NBAS: variants seen among roughly 807,000 people sequenced by gnomAD.
The protein encoded by NBAS is NAG/BC035112 fusion.
In NBAS, 219 loss-of-function variants were observed where a neutral mutation model predicts 302.5. The observed-to-expected ratio is 0.72, with a 90% CI of 0.65 to 0.81. The LOEUF is 0.81. Ranked by LOEUF, NBAS falls within the 30% of genes least tolerant of loss-of-function variation. The pLI, the probability that NBAS is intolerant of heterozygous loss-of-function variation, is 0.00. For synonymous variants in NBAS, 1,118 were observed against 1,021.6 expected (o/e 1.09, Z -1.80); for missense variants, 2,932 against 2,841.6 (o/e 1.03, Z -0.72).
the NBAS span, among the ~76,000 whole-genome samples, chr2:14,814,820 C>T: frequency 6.6e-6 from 1 of 152,110 alleles, no homozygotes; most frequent in African/African-American, 2.4e-5. Context: ...TCTGTGTCCC[C>T]CCCCAAACTG....
the NBAS span, among the ~76,000 whole-genome samples, chr2:15,037,095 C>T: frequency 5.9e-5 from 9 of 152,108 alleles, no homozygotes; most frequent in East Asian, 7.7e-4. Context: ...TAGATTCACA[C>T]GGTAAAGGCT....
intron 47 of NBAS, among the ~76,000 whole-genome samples, chr2:15,225,713 T>C (rs1667125850): frequency 6.6e-6 from 1 of 152,214 alleles, no homozygotes; most frequent in African/African-American, 2.4e-5. Flanking sequence ...AGTAAATCTT[T>C]CTTCTTTTTT....
chr2:15,491,460 G>C (rs1427989318), intron 11 of NBAS, among the ~76,000 whole-genome samples: 1 of 152,202 alleles, frequency 6.6e-6, no homozygotes, highest in African/African-American at 2.4e-5. Flanking sequence ...AGGTTGGCCA[G>C]GCGCAGTGGC....
rs117506898 is a variant in NBAS at position 15,257,555 on chromosome 2, G to A, written c.5724+17929C>T. ...TTGCAAAAGCCTGCCACCACACCCA[G>A]CTAATTTTTGTATTTTTAGTTGAGA... is the stretch of plus-strand genomic sequence containing the variant. On this transcript the variant is annotated intron_variant, in intron 44 of 51. Coordinates refer to ENST00000281513, the MANE Select transcript of NBAS (RefSeq NM_015909.4). Among the ~76,000 whole-genome samples, 15 of 152,048 alleles carry A rather than the reference G, an allele frequency of 9.9e-5. 1 individual carries two copies. The East Asian group carries it at 2.7e-3, about 27-fold the overall frequency.
chr2:15,219,921 C>T lies in NBAS; in HGVS notation c.6237-953G>A, dbSNP rs1356560003. 1.5e-4 allele frequency among the ~76,000 whole-genome samples: 22 copies of T among 148,262 alleles called. No homozygotes were observed. In the South Asian group the frequency reaches 3.2e-3, roughly 21 times the overall value. ...GGCGGCCGGGCAGAAGCGCCCCTCA[C>T]CTCCCGGATGGGGCGGCTGGCCGGG... is the stretch of plus-strand genomic sequence containing the variant. On this transcript the variant is annotated intron_variant, in intron 47 of 51. Coordinates refer to ENST00000281513, the MANE Select transcript of NBAS (RefSeq NM_015909.4).
the NBAS span, among the ~76,000 whole-genome samples, chr2:14,928,302 T>C: frequency 9.9e-5 from 15 of 152,208 alleles, no homozygotes; most frequent in African/African-American, 3.6e-4. Context: ...CCAAAGTCAT[T>C]ATTTTTATCT....
intron 33 of NBAS, among the ~76,000 whole-genome samples, 172 bp downstream of exon 33, chr2:15,356,131 A>G (rs1386520776): frequency 6.6e-6 from 1 of 152,226 alleles, no homozygotes; most frequent in Non-Finnish European, 1.5e-5. Flanking sequence ...TAAAATGTTT[A>G]CATTAACATA....
Position 15,559,225 on chromosome 2 carries a change from G to C in NBAS, c.118-591C>G, listed in dbSNP as rs752009320. On this transcript the variant is annotated intron_variant, in intron 1 of 51. Coordinates refer to ENST00000281513, the MANE Select transcript of NBAS (RefSeq NM_015909.4). The stretch of plus-strand genomic sequence containing the variant: ...AAATCAAAAACCAATCCAAAGACAA[G>C]AGAAGTCAAGGCCAAAGACCATACT... Among the ~76,000 whole-genome samples, 3 of 152,216 alleles carry C rather than the reference G, an allele frequency of 2.0e-5. 1 individual carries two copies. In the Middle Eastern group the frequency reaches 0.01, roughly 518 times the overall value.
chr2:15,323,582 G>A (rs1245604944), intron 38 of NBAS, among the ~76,000 whole-genome samples: 1 of 152,160 alleles, frequency 6.6e-6, no homozygotes, highest in African/African-American at 2.4e-5. Flanking sequence ...TGAGCCAGGT[G>A]TGCTCTGGGC....
At chr2:15,099,514 A>G in the NBAS span, among the ~76,000 whole-genome samples, 1 of 152,078 alleles carries the variant, frequency 6.6e-6, no homozygotes, top group African/African-American at 2.4e-5. Context: ...CTGAGATGGG[A>G]TATAGTCAAT....
intron 30 of NBAS, among the ~76,000 whole-genome samples, chr2:15,375,281 G>T (rs1674681702): frequency 6.6e-6 from 1 of 152,198 alleles, no homozygotes; most frequent in African/African-American, 2.4e-5. Context: ...AGCTAAGAAT[G>T]TGGGATTCCC....
intron 42 of NBAS, among the ~76,000 whole-genome samples, chr2:15,284,152 G>A (rs1426885320): frequency 1.9e-4 from 28 of 149,326 alleles, no homozygotes; most frequent in East Asian, 1.9e-4. Flanking sequence ...AAGAAAAAGC[G>A]GGAAATGGAA....
chr2:15,457,374 T>G (rs563403015), intron 21 of NBAS, among the ~76,000 whole-genome samples: 50 of 152,288 alleles, frequency 3.3e-4, no homozygotes, highest in African/African-American at 1.1e-3. Flanking sequence ...TACACTCTCA[T>G]AGAAGAATAA....
At chr2:15,110,889 G>A in the NBAS span, among the ~76,000 whole-genome samples, 92 of 152,040 alleles carry the variant, frequency 6.1e-4, no homozygotes, top group Non-Finnish European at 1.0e-3. Context: ...TGAAAAACAC[G>A]AACTAAAATA....
chr2:14,897,022 G>T, the NBAS span, among the ~76,000 whole-genome samples: 1 of 151,792 alleles, frequency 6.6e-6, no homozygotes, highest in Non-Finnish European at 1.5e-5. Flanking sequence ...CAGGGGAGGG[G>T]AGCAGTAATT....
chr2:14,920,552 T>C, the NBAS span, among the ~76,000 whole-genome samples: 3 of 152,208 alleles, frequency 2.0e-5, no homozygotes, highest in Non-Finnish European at 4.4e-5. Flanking sequence ...TTTCCTAATA[T>C]AGGGTTGTTT....
chr2:15,261,775 T>C (rs370185496), intron 44 of NBAS, among the ~76,000 whole-genome samples: 12 of 152,362 alleles, frequency 7.9e-5, no homozygotes, highest in African/African-American at 2.4e-4. Context: ...AATACATCTA[T>C]TGTTATTGAG....
intron 21 of NBAS, among the ~76,000 whole-genome samples, chr2:15,460,345 C>G (rs990155100): frequency 1.7e-4 from 26 of 152,146 alleles, no homozygotes; most frequent in African/African-American, 6.0e-4. Context: ...ATAAGTAACT[C>G]AAATGCAGAA....
intron 11 of NBAS, among the ~76,000 whole-genome samples, chr2:15,496,450 T>A (rs888642328): frequency 2.0e-5 from 3 of 152,236 alleles, no homozygotes; most frequent in Admixed American, 6.5e-5. Context: ...CTGAATTGTA[T>A]AATTTAAATG....
Sources: allele counts gnomAD v4.1 joint callset (sites outside exome capture counted in the v4.1 genomes callset), GRCh38; gene constraint gnomAD v4.1.1; transcripts MANE v1.5; gene names NCBI Gene and HGNC (gene_info 2026-07-23, HGNC 2026-07-21).